UBTD1: variants seen among roughly 807,000 people sequenced by gnomAD.
UBTD1 encodes ubiquitin domain containing 1.
UBTD1 carries 19 observed loss-of-function variants against 21.7 expected under a neutral mutation model. The observed-to-expected ratio is 0.87, with a 90% CI of 0.61 to 1.28. UBTD1 has a LOEUF of 1.28. UBTD1 is among the 50% of genes most tolerant of loss of function. The pLI is 0.00. For missense variants in UBTD1, 282 were observed against 315.1 expected (o/e 0.89, Z 0.80); for synonymous variants, 116 against 135.1 (o/e 0.86, Z 0.98).
At chr10:97,516,384 G>A (rs974338487) in intron 1 of UBTD1, among the ~76,000 whole-genome samples, 8 of 152,252 alleles carry the variant, frequency 5.3e-5, no homozygotes, top group African/African-American at 1.4e-4. Context: ...TGCCACCGTG[G>A]ATGGCTTCTC....
intron 1 of UBTD1, among the ~76,000 whole-genome samples, chr10:97,547,860 A>C (rs993357743): frequency 6.6e-6 from 1 of 152,046 alleles, no homozygotes; most frequent in Non-Finnish European, 1.5e-5. Flanking sequence ...CATCACGCCC[A>C]GCCTCGCAGT....
chr10:97,510,232 T>C (rs1455940494), intron 1 of UBTD1, among the ~76,000 whole-genome samples: 1 of 152,218 alleles, frequency 6.6e-6, no homozygotes, highest in East Asian at 1.9e-4. Flanking sequence ...CCCAAAGTGT[T>C]GGAATTACAG....
At chr10:97,525,864 T>A (rs577458515) in intron 1 of UBTD1, among the ~76,000 whole-genome samples, 1 of 152,302 alleles carries the variant, frequency 6.6e-6, no homozygotes, top group East Asian at 1.9e-4. Flanking sequence ...TATGGGAATG[T>A]GGTAATGTGG....
chr10:97,561,460 A>T (rs941319695), intron 1 of UBTD1, among the ~76,000 whole-genome samples: 9 of 152,104 alleles, frequency 5.9e-5, no homozygotes, highest in African/African-American at 2.2e-4. Context: ...TGTCCCTTTT[A>T]AGGGCTCACA....
chr10:97,538,375 ATATAT>A (rs1277600777), intron 1 of UBTD1, among the ~76,000 whole-genome samples: 4 of 152,286 alleles, frequency 2.6e-5, no homozygotes, highest in East Asian at 1.9e-4. Flanking sequence ...AAAAATTTAC[ATATAT>A]TATTTATTAT....
Position 97,562,912 on chromosome 10 carries a change from A to G in UBTD1, c.71-5002A>G, listed in dbSNP as rs58336429. ...ATGGTGGTGAAATGTTGGGGCAGCG[A>G]AAATTTTGGGGGGTGGTATGGAGAG... On this transcript the variant is annotated intron_variant, in intron 1 of 2. Transcript: ENST00000370664. Among the ~76,000 whole-genome samples the G allele has an allele frequency of 9.2e-3, 1,404 of 152,252 alleles. 32 individuals are homozygous for G. The highest frequency in any genetic ancestry group is 0.078 in the East Asian group (406 of 5,176).
intron 1 of UBTD1, among the ~76,000 whole-genome samples, chr10:97,540,357 G>A (rs141775214): frequency 1.1e-4 from 16 of 152,304 alleles, no homozygotes; most frequent in South Asian, 1.0e-3. Flanking sequence ...CGTTCTGAGC[G>A]CTTGTGACCT....
chr10:97,506,293 G>A (rs113832208), intron 1 of UBTD1, among the ~76,000 whole-genome samples: 5 of 152,134 alleles, frequency 3.3e-5, no homozygotes, highest in African/African-American at 7.2e-5. Context: ...AGTCCTACCC[G>A]GTCAGTTACT....
chr10:97,534,960 C>T (rs553829960), intron 1 of UBTD1, among the ~76,000 whole-genome samples: 16 of 152,338 alleles, frequency 1.1e-4, no homozygotes, highest in African/African-American at 2.6e-4. Context: ...CCCTCATTGG[C>T]CAGGAGGGGG....
At chr10:97,538,422 G>C (rs2040573180) in intron 1 of UBTD1, among the ~76,000 whole-genome samples, 1 of 152,102 alleles carries the variant, frequency 6.6e-6, no homozygotes, top group South Asian at 2.1e-4. Context: ...GTACCACAGA[G>C]TAACAGATTA....
chr10:97,516,736 A>G (rs1313501988), intron 1 of UBTD1, among the ~76,000 whole-genome samples: 1 of 151,614 alleles, frequency 6.6e-6, no homozygotes, highest in African/African-American at 2.4e-5. Flanking sequence ...GTGCCACTGC[A>G]CTCCAGCCTG....
chr10:97,555,784 G>A (rs770210138), intron 1 of UBTD1, among the ~76,000 whole-genome samples: 2 of 152,198 alleles, frequency 1.3e-5, no homozygotes, highest in African/African-American at 4.8e-5. Flanking sequence ...TATGAGTTGA[G>A]TTTTAACTGC....
chr10:97,517,669 G>T (rs976045979), intron 1 of UBTD1, among the ~76,000 whole-genome samples: 1 of 152,150 alleles, frequency 6.6e-6, no homozygotes, highest in Non-Finnish European at 1.5e-5. Context: ...GCCCTGGGAT[G>T]TGACTGGACA....
chr10:97,508,109 A>T (rs1163483093), intron 1 of UBTD1, among the ~76,000 whole-genome samples: 2 of 152,206 alleles, frequency 1.3e-5, no homozygotes, highest in Non-Finnish European at 2.9e-5. Flanking sequence ...TAATTCTCAC[A>T]ACCACCCTAT....
At chr10:97,541,117 G>A (rs543954383) in intron 1 of UBTD1, among the ~76,000 whole-genome samples, 2 of 152,246 alleles carry the variant, frequency 1.3e-5, no homozygotes, top group East Asian at 1.9e-4. Flanking sequence ...GTCCTCATCC[G>A]TAAAAGAAGA....
intron 1 of UBTD1, among the ~76,000 whole-genome samples, chr10:97,521,602 T>A (rs2040467263): frequency 6.6e-6 from 1 of 152,176 alleles, no homozygotes; most frequent in Non-Finnish European, 1.5e-5. Flanking sequence ...TTTTTCTAAA[T>A]CAAGCTGGGA....
At chr10:97,556,963 A>T (rs2040667146) in intron 1 of UBTD1, among the ~76,000 whole-genome samples, 1 of 152,210 alleles carries the variant, frequency 6.6e-6, no homozygotes. Flanking sequence ...AGGATGAGTG[A>T]ATCCTTTTCC....
intron 1 of UBTD1, among the ~76,000 whole-genome samples, chr10:97,557,927 T>A (rs1304004397): frequency 6.6e-6 from 1 of 152,194 alleles, no homozygotes; most frequent in East Asian, 1.9e-4. Flanking sequence ...ACTTGATATA[T>A]ATACTGGAAA....
chr10:97,555,189 C>G (rs1190717689), intron 1 of UBTD1, among the ~76,000 whole-genome samples: 1 of 152,154 alleles, frequency 6.6e-6, no homozygotes, highest in East Asian at 1.9e-4. Context: ...GATTGTGACT[C>G]CTGGTGGATC....
Sources: allele counts gnomAD v4.1 joint callset (sites outside exome capture counted in the v4.1 genomes callset), GRCh38; gene constraint gnomAD v4.1.1; transcripts MANE v1.5; gene names NCBI Gene and HGNC (gene_info 2026-07-23, HGNC 2026-07-21).